The following PRDM5 variants were observed in gnomAD, a reference collection of about 807,000 sequenced individuals.
PRDM5 encodes PR/SET domain 5.
In PRDM5, 56 loss-of-function variants were observed where a neutral mutation model predicts 81.2. The observed-to-expected ratio is 0.69, with a 90% CI of 0.56 to 0.86. The LOEUF (loss-of-function observed/expected upper bound fraction) is 0.86. Among genes scored for constraint, PRDM5 ranks in the 40% least tolerant of loss-of-function variants. The pLI, the probability that PRDM5 is intolerant of heterozygous loss-of-function variation, is 0.00. For missense variants in PRDM5, 697 were observed against 770.1 expected (o/e 0.91, Z 1.12); for synonymous variants, 267 against 256.4 (o/e 1.04, Z -0.39).
intron 3 of PRDM5, among the ~76,000 whole-genome samples, chr4:120,826,851 G>C (rs1450347223): frequency 6.6e-6 from 1 of 152,172 alleles, no homozygotes; most frequent in Non-Finnish European, 1.5e-5. Context: ...GGTCAAGGAT[G>C]AGTCCAAGGT....
At chr4:120,843,351 A>C (rs1247256413) in intron 3 of PRDM5, among the ~76,000 whole-genome samples, 1 of 151,934 alleles carries the variant, frequency 6.6e-6, no homozygotes, top group Non-Finnish European at 1.5e-5. Flanking sequence ...TTAATTAATT[A>C]ATTAATTTAA....
At chr4:120,863,038 A>G (rs1488993702) in intron 2 of PRDM5, among the ~76,000 whole-genome samples, 1 of 151,154 alleles carries the variant, frequency 6.6e-6, no homozygotes, top group Admixed American at 6.6e-5. Flanking sequence ...ACATGCCTAT[A>G]AACTGGCTAC....
intron 3 of PRDM5, among the ~76,000 whole-genome samples, chr4:120,846,986 C>G (rs1372382612): frequency 6.6e-6 from 1 of 152,086 alleles, no homozygotes; most frequent in Non-Finnish European, 1.5e-5. Flanking sequence ...GCTCTTTCTA[C>G]TGCTTGAAAC....
chr4:120,896,257 A>G (rs149428854), intron 2 of PRDM5: 1 of 151,652 alleles, frequency 6.6e-6, no homozygotes, highest in East Asian at 2.0e-4. Context: ...TGATCATTTA[A>G]TCAAGTCCTT....
chr4:120,705,142 C>A (rs1311766253), intron 15 of PRDM5, among the ~76,000 whole-genome samples: 2 of 152,084 alleles, frequency 1.3e-5, no homozygotes, highest in African/African-American at 2.4e-5. Context: ...TACTATTGTT[C>A]CACTCCAGAC....
chr4:120,836,538 G>T (rs1362886144), intron 3 of PRDM5, among the ~76,000 whole-genome samples: 2 of 152,152 alleles, frequency 1.3e-5, no homozygotes, highest in African/African-American at 4.8e-5. Context: ...AAGACTTACA[G>T]TTAGATACTT....
intron 3 of PRDM5, chr4:120,837,675 A>G (rs1381417426): frequency 2.6e-5 from 4 of 152,238 alleles, no homozygotes; most frequent in African/African-American, 9.6e-5. Flanking sequence ...GCTATATTCC[A>G]AAGTCCAGAA....
At position 120,694,183 on chromosome 4, in the gene PRDM5, G is replaced by A. The variant is rs2148982999; in HGVS notation, c.*928C>T. On this transcript the variant is annotated 3_prime_UTR_variant, in exon 16 of 16. Transcript: ENST00000264808. The stretch of plus-strand genomic sequence containing the variant: ...TGTTCTGTGCACTTTTATGGAAGGA[G>A]AGGGGAAAGGGCTATGTTCATCCTA... 1 of 152,260 alleles carries A rather than the reference G, an allele frequency of 6.6e-6. No homozygotes were observed. Among genetic ancestry groups the A allele is most frequent in the Non-Finnish European group, 1.5e-5 (1 of 68,008 alleles). The allele number at this position is 152,260 out of a possible 1,614,324, so 9.4% of individuals were successfully genotyped here.
At chr4:120,832,483 A>C in intron 3 of PRDM5, among the ~76,000 whole-genome samples, 1 of 152,084 alleles carries the variant, frequency 6.6e-6, no homozygotes, top group East Asian at 1.9e-4. Context: ...TTATTCCCCA[A>C]ATATTCATTT....
intron 8 of PRDM5, among the ~76,000 whole-genome samples, chr4:120,801,806 A>T (rs570362842): frequency 1.3e-5 from 2 of 152,206 alleles, no homozygotes; most frequent in Non-Finnish European, 2.9e-5. Context: ...TTTGAGGACC[A>T]ATGATATGAT....
chr4:120,828,291 G>T (rs1405587480), intron 3 of PRDM5, among the ~76,000 whole-genome samples: 1 of 152,012 alleles, frequency 6.6e-6, no homozygotes, highest in Non-Finnish European at 1.5e-5. Context: ...AAGTATATCT[G>T]GCAGACAGGA....
intron 14 of PRDM5, 152 bp from the exon 15 acceptor site, chr4:120,710,565 A>G (rs376363993): frequency 5.6e-6 from 4 of 714,898 alleles, no homozygotes; most frequent in Non-Finnish European, 1.0e-5. Context: ...CCCAAATTTC[A>G]TCTTGAATTG....
chr4:120,862,054 A>C (rs1392814806), intron 2 of PRDM5, among the ~76,000 whole-genome samples: 1 of 152,200 alleles, frequency 6.6e-6, no homozygotes, highest in East Asian at 1.9e-4. Flanking sequence ...CAAAATGTAC[A>C]TAACTTGACA....
intron 3 of PRDM5, chr4:120,837,695 G>T (rs1245887559): frequency 7.2e-5 from 11 of 152,164 alleles, no homozygotes. Context: ...AATGGGCATG[G>T]AATTAATTAA....
intron 3 of PRDM5, among the ~76,000 whole-genome samples, chr4:120,842,313 A>G (rs1758131321): frequency 6.6e-6 from 1 of 152,226 alleles, no homozygotes; most frequent in Admixed American, 6.5e-5. Context: ...TCGCATGCAC[A>G]TATATTTCAG....
intron 11 of PRDM5, among the ~76,000 whole-genome samples, chr4:120,782,181 G>A (rs3804168): frequency 0.2 from 30,321 of 151,960 alleles, 3,674 homozygotes; most frequent in Non-Finnish European, 0.28. Flanking sequence ...ATAACAATAC[G>A]GTATAAAATG....
At chr4:120,866,616 C>T (rs779724564) in intron 2 of PRDM5, among the ~76,000 whole-genome samples, 17 of 152,114 alleles carry the variant, frequency 1.1e-4, no homozygotes, top group Non-Finnish European at 2.5e-4. Flanking sequence ...GAAGCAGAAA[C>T]AGAAATGAAT....
intron 2 of PRDM5, among the ~76,000 whole-genome samples, chr4:120,866,240 A>G (rs1189256395): frequency 6.6e-6 from 1 of 152,172 alleles, no homozygotes; most frequent in Non-Finnish European, 1.5e-5. Context: ...GGCCCTAGCC[A>G]TCTAAGAATG....
intron 2 of PRDM5, among the ~76,000 whole-genome samples, chr4:120,898,962 C>T (rs566547164): frequency 4.8e-4 from 73 of 152,228 alleles, no homozygotes; most frequent in Middle Eastern, 3.4e-3. Context: ...GAATTCCAAA[C>T]GAGCACATCA....
Sources: allele counts gnomAD v4.1 joint callset (sites outside exome capture counted in the v4.1 genomes callset), GRCh38; gene constraint gnomAD v4.1.1; transcripts MANE v1.5; gene names NCBI Gene and HGNC (gene_info 2026-07-23, HGNC 2026-07-21).